Variants in CRTC3 observed in about 807,000 individuals in gnomAD.
CRTC3 encodes the protein CREB regulated transcription coactivator 3, also known as CREB-regulated transcription coactivator 3.
A neutral mutation model predicts 74.5 loss-of-function variants in CRTC3; 26 were observed. The ratio of observed to expected loss-of-function variants is 0.35; its 90% CI spans 0.26 to 0.48. The LOEUF is 0.48. Among genes scored for constraint, CRTC3 ranks in the 20% least tolerant of loss-of-function variants. CRTC3 has a pLI of 0.99. For missense variants in CRTC3, 760 were observed against 787.3 expected, an observed-to-expected ratio of 0.97 and a Z score of 0.41; for synonymous variants, 377 against 325.8, an observed-to-expected ratio of 1.16 and a Z score of -1.69.
At chr15:90,578,614 C>T in intron 2 of CRTC3, among the ~76,000 whole-genome samples, 1 of 152,046 alleles carries the variant, frequency 6.6e-6, no homozygotes, top group African/African-American at 2.4e-5. Context: ...ATATTATACA[C>T]ATATGTTTAA....
In CRTC3 at chr15:90,643,350, T is replaced by TA. The variant is rs1447999709; in HGVS notation, c.*1212dup. The TA allele has an allele frequency of 4.4e-6, 1 of 229,574 alleles. No individual in the cohort carries two copies. Among genetic ancestry groups the TA allele is most frequent in the Admixed American group, 5.7e-5 (1 of 17,670 alleles). The allele number at this position is 229,574 out of a possible 1,614,324, so 14.2% of individuals were successfully genotyped here. On this transcript the variant is annotated 3_prime_UTR_variant, in exon 15 of 15. Coordinates refer to ENST00000268184, the MANE Select transcript of CRTC3 (RefSeq NM_022769.5). ...TGAAGCATGCACTTTAATATGCTTT[T>TA]AACACTAGGTGACCAAATCACAGTG...
At chr15:90,612,025 C>CCCTCCTCCT (rs1270789098) in intron 6 of CRTC3, among the ~76,000 whole-genome samples, 10 of 76,548 alleles carry the variant, frequency 1.3e-4, no homozygotes, top group Non-Finnish European at 1.9e-4. Context: ...AACCACCCCC[C>CCCTCCTCCT]ACTCCTCCTC....
At chr15:90,586,731 A>C (rs1391975114) in intron 2 of CRTC3, among the ~76,000 whole-genome samples, 1 of 152,174 alleles carries the variant, frequency 6.6e-6, no homozygotes, top group Non-Finnish European at 1.5e-5. Flanking sequence ...ATTTCACTTC[A>C]AGGTATTTGG....
At chr15:90,595,756 T>C (rs977898734) in intron 3 of CRTC3, 3 of 152,098 alleles carry the variant, frequency 2.0e-5, no homozygotes, top group African/African-American at 7.2e-5. Flanking sequence ...CTAACCAAAA[T>C]AGAGAAGGGA....
intron 2 of CRTC3, among the ~76,000 whole-genome samples, chr15:90,593,013 C>T (rs1331936879): frequency 2.0e-5 from 3 of 151,978 alleles, no homozygotes; most frequent in Admixed American, 6.6e-5. Context: ...ATTAGCTGGG[C>T]GTGGTGGCGC....
chr15:90,580,406 C>T (rs16944582), intron 2 of CRTC3, among the ~76,000 whole-genome samples: 5,160 of 151,646 alleles, frequency 0.034, 287 homozygotes, highest in African/African-American at 0.12. Context: ...GTGTCAGTCC[C>T]GCTGGTTTTT....
In CRTC3 at chr15:90,642,142, C is replaced by A. The variant is rs1275696480; in HGVS notation, c.*2C>A. On this transcript the variant is annotated 3_prime_UTR_variant, in exon 15 of 15. Coordinates refer to ENST00000268184, the MANE Select transcript of CRTC3 (RefSeq NM_022769.5). ...ACGTTTCGAGCTGACAGACTGTGAA[C>A]AGAAGGCAGTGGAACAGAAGAATGT... is the stretch of plus-strand genomic sequence containing the variant. The A allele has an allele frequency of 1.9e-6, 3 of 1,613,192 alleles. No individual in the cohort carries two copies. In the East Asian group the frequency reaches 6.7e-5, roughly 36 times the overall value.
chr15:90,637,886 G>C (rs1277116148), intron 11 of CRTC3: 2 of 152,810 alleles, frequency 1.3e-5, no homozygotes, highest in East Asian at 1.9e-4. Flanking sequence ...CCTAGCATCG[G>C]GTTTTCTCAG....
chr15:90,553,740 T>A (rs1285597556), intron 2 of CRTC3, among the ~76,000 whole-genome samples: 1 of 152,182 alleles, frequency 6.6e-6, no homozygotes, highest in African/African-American at 2.4e-5. Context: ...ATACTTGAGA[T>A]CTTTAAAATA....
At chr15:90,552,035 C>G (rs1273201697) in intron 2 of CRTC3, among the ~76,000 whole-genome samples, 1 of 152,146 alleles carries the variant, frequency 6.6e-6, no homozygotes, top group African/African-American at 2.4e-5. Flanking sequence ...TGCTCCGTCC[C>G]TACTCCAAGA....
rs772351845 is a variant in CRTC3 at position 90,641,116 on chromosome 15, G to C, written c.1568G>C (p.Gly523Ala). Reference sequence around the variant, plus strand: ...TTCCAGGTGCCTCTGGTGCAACAAGGTTCCCGAGAACTGCAGGACTCTTTT... The same window carrying C: ...TTCCAGGTGCCTCTGGTGCAACAAGCTTCCCGAGAACTGCAGGACTCTTTT... ...FPQQVPLVQQ[G>A]SRELQDSFHL... Residue 523 changes from glycine to alanine, a missense_variant, in exon 14 of 15, where the codon GGT (glycine) becomes GCT (alanine). Transcript: ENST00000268184. 14 of 1,613,712 alleles carry C rather than the reference G, an allele frequency of 8.7e-6. No homozygotes were observed. The highest frequency in any genetic ancestry group is 1.2e-5 in the Non-Finnish European group (14 of 1,179,856).
At chr15:90,553,878 C>G (rs1358245911) in intron 2 of CRTC3, among the ~76,000 whole-genome samples, 1 of 152,200 alleles carries the variant, frequency 6.6e-6, no homozygotes, top group Non-Finnish European at 1.5e-5. Context: ...CAATGATCTA[C>G]TTGAAAAGAA....
At chr15:90,638,273 TA>T in intron 11 of CRTC3, 172 bp from the exon 12 acceptor site, 1 of 582,982 alleles carries the variant, frequency 1.7e-6, no homozygotes, top group South Asian at 2.3e-5. Flanking sequence ...TGTGGGGAAG[TA>T]AAATTTGAGA....
chr15:90,573,079 T>G (rs1423159785), intron 2 of CRTC3, among the ~76,000 whole-genome samples: 2 of 152,216 alleles, frequency 1.3e-5, no homozygotes, highest in East Asian at 1.9e-4. Flanking sequence ...CACTAGCTCC[T>G]GAATCACCAT....
chr15:90,531,059 C>T (rs1966619320), intron 1 of CRTC3, among the ~76,000 whole-genome samples: 1 of 151,138 alleles, frequency 6.6e-6, no homozygotes, highest in Admixed American at 6.6e-5. Context: ...GGGGGAGGAT[C>T]TGCAGATTCT....
intron 1 of CRTC3, among the ~76,000 whole-genome samples, chr15:90,538,920 C>T (rs1966762047): frequency 6.6e-6 from 1 of 152,148 alleles, no homozygotes; most frequent in Non-Finnish European, 1.5e-5. Flanking sequence ...AGTCACTGAA[C>T]TTCCGAGTCT....
intron 3 of CRTC3, chr15:90,594,618 T>C (rs1439851685): frequency 6.6e-6 from 1 of 152,172 alleles, no homozygotes; most frequent in Non-Finnish European, 1.5e-5. Flanking sequence ...AACCAGGAAG[T>C]GGGGGCAGGG....
At chr15:90,640,002 T>C (rs945658493) in intron 13 of CRTC3, among the ~76,000 whole-genome samples, 3 of 151,940 alleles carry the variant, frequency 2.0e-5, no homozygotes, top group African/African-American at 7.2e-5. Flanking sequence ...TGAGCTGAGA[T>C]CGCACCACTG....
rs1417521654 is a variant in CRTC3, at chr15:90,642,031, A to T, written c.1751A>T (p.Glu584Val). ...GACACTCCATTTCCACTGGAAGAGG[A>T]GCTGCAGATTGAACCCCTGAGCCTG... ...NVDTPFPLEE[E>V]LQIEPLSLDG... Residue 584 changes from glutamate (E) to valine (V), a missense_variant, in exon 15 of 15, where the codon GAG becomes GTG. Glu to Val is a moderately radical substitution (Grantham distance 121). Around this residue, in one of 2 missense-constraint regions of CRTC3, gnomAD observed 652 missense variants for 635.2 expected, o/e 1.03. Transcript: ENST00000268184. 6.2e-7 allele frequency: 1 copy of T among 1,613,932 alleles called. No individual in the cohort carries two copies. The highest frequency in any genetic ancestry group is 1.1e-5 in the South Asian group (1 of 91,084).
Sources: gnomAD v4.1 joint callset for allele counts (sites outside exome capture counted in the v4.1 genomes callset) on GRCh38, gnomAD v4.1.1 for gene constraint, gnomAD v4.1.1 regional missense constraint, MANE v1.5 for transcripts, NCBI Gene and HGNC (gene_info 2026-07-23, HGNC 2026-07-21) for gene names.